The following HIBADH variants were observed in gnomAD, a reference collection of about 807,000 sequenced individuals.
The protein encoded by HIBADH is 3-hydroxyisobutyrate dehydrogenase, mitochondrial.
Under a neutral mutation model 36.1 loss-of-function variants are expected in HIBADH, and 25 were observed. The ratio of observed to expected loss-of-function variants is 0.69; its 90% confidence interval spans 0.50 to 0.97. The LOEUF (loss-of-function observed/expected upper bound fraction) is 0.97. Ranked by LOEUF, HIBADH falls within the 50% of genes least tolerant of loss-of-function variation. The pLI is 0.00. For missense variants in HIBADH, 421 were observed against 418.0 expected, an observed-to-expected ratio of 1.01 and a Z score of -0.06; for synonymous variants, 160 against 149.5, an observed-to-expected ratio of 1.07 and a Z score of -0.51.
rs549617386 is a variant in HIBADH, at chr7:27,649,420, A to G, written c.252+53T>C. 1.6e-5 allele frequency: 22 copies of G among 1,404,564 alleles called. No individual in the cohort carries two copies. The East Asian group carries it at 4.9e-4, about 31-fold the overall frequency. 87.0% of individuals were successfully genotyped at this position (1,404,564 alleles called of 1,614,324 possible). ...AAGAAGCTGTCACTTATTTGAATGT[A>G]TATTCATTTTTCATTCTCAAAATCT... On this transcript the variant is annotated intron_variant, in intron 2 of 7. Coordinates refer to ENST00000265395, the MANE Select transcript of HIBADH (RefSeq NM_152740.4).
intron 2 of HIBADH, among the ~76,000 whole-genome samples, chr7:27,639,439 G>C (rs532066722): frequency 1.1e-4 from 16 of 152,026 alleles, no homozygotes; most frequent in African/African-American, 3.4e-4. Context: ...GACTACCTGA[G>C]GGGGGAGGGA....
intron 4 of HIBADH, among the ~76,000 whole-genome samples, chr7:27,622,485 A>G (rs1115346): frequency 0.71 from 107,529 of 151,906 alleles, 38,200 homozygotes; most frequent in East Asian, 0.94. Flanking sequence ...AAGGATCAAC[A>G]AAACAAAAAT....
intron 4 of HIBADH, among the ~76,000 whole-genome samples, chr7:27,628,114 G>A (rs369369782): frequency 4.6e-5 from 7 of 151,880 alleles, no homozygotes; most frequent in South Asian, 2.1e-4. Flanking sequence ...CCACATTAAC[G>A]CCAACCTTAA....
intron 4 of HIBADH, among the ~76,000 whole-genome samples, chr7:27,614,483 C>T (rs1007140817): frequency 7.9e-5 from 12 of 152,140 alleles, no homozygotes; most frequent in African/African-American, 2.7e-4. Context: ...CTTGATTCAA[C>T]CAACCATACT....
At chr7:27,552,401 A>G (rs1028195878) in intron 4 of HIBADH, among the ~76,000 whole-genome samples, 1 of 152,232 alleles carries the variant, frequency 6.6e-6, no homozygotes, top group Non-Finnish European at 1.5e-5. Flanking sequence ...AGATAAACAA[A>G]GTTTAGTTAG....
At chr7:27,596,652 T>C (rs1785038844) in intron 4 of HIBADH, among the ~76,000 whole-genome samples, 1 of 152,214 alleles carries the variant, frequency 6.6e-6, no homozygotes. Context: ...TGTAGTAATT[T>C]GAAAGTATAA....
chr7:27,544,747 T>C (rs898424500), intron 4 of HIBADH, among the ~76,000 whole-genome samples: 1 of 152,218 alleles, frequency 6.6e-6, no homozygotes, highest in Admixed American at 6.5e-5. Flanking sequence ...TAGTTTTGCT[T>C]TGTATTTAGA....
intron 6 of HIBADH, among the ~76,000 whole-genome samples, chr7:27,537,543 A>T (rs190190603): frequency 4.6e-5 from 7 of 152,302 alleles, no homozygotes; most frequent in Admixed American, 4.6e-4. Context: ...CATCCTGCTC[A>T]TTAAGCATTT....
At chr7:27,645,315 A>G (rs1371951266) in intron 2 of HIBADH, among the ~76,000 whole-genome samples, 1 of 141,792 alleles carries the variant, frequency 7.1e-6, no homozygotes, top group Non-Finnish European at 1.5e-5. Context: ...TCACAAACAC[A>G]TTGTTATCTA....
At chr7:27,560,102 C>G (rs1784444006) in intron 4 of HIBADH, among the ~76,000 whole-genome samples, 1 of 152,132 alleles carries the variant, frequency 6.6e-6, no homozygotes, top group Admixed American at 6.5e-5. Context: ...ATGATGTTGC[C>G]ATCAAATCTT....
intron 4 of HIBADH, among the ~76,000 whole-genome samples, chr7:27,560,583 TTTTA>T (rs1481596124): frequency 1.1e-4 from 16 of 152,336 alleles, no homozygotes; most frequent in African/African-American, 3.8e-4. Context: ...TTGTTTCTTC[TTTTA>T]TTGTTAGCCT....
chr7:27,561,061 T>C (rs918648480), intron 4 of HIBADH, among the ~76,000 whole-genome samples: 1 of 152,210 alleles, frequency 6.6e-6, no homozygotes, highest in African/African-American at 2.4e-5. Context: ...TGGTTAGTGA[T>C]GTAGAGCATA....
At chr7:27,537,987 A>C (rs1784091391) in intron 6 of HIBADH, among the ~76,000 whole-genome samples, 1 of 152,222 alleles carries the variant, frequency 6.6e-6, no homozygotes, top group Non-Finnish European at 1.5e-5. Flanking sequence ...TGTCTTATAC[A>C]AATTTGTCCC....
chr7:27,553,220 T>C (rs1459123195), intron 4 of HIBADH, among the ~76,000 whole-genome samples: 1 of 152,186 alleles, frequency 6.6e-6, no homozygotes, highest in Non-Finnish European at 1.5e-5. Context: ...AGAAGGAAAT[T>C]ATAGGCTATA....
Position 27,572,297 on chromosome 7 carries a change from T to C in HIBADH, c.485-29197A>G, listed in dbSNP as rs142936094. On this transcript the variant is annotated intron_variant, in intron 4 of 7. Transcript: ENST00000265395. ...TAAAGTGCATTTAAAAGTACATTTA[T>C]TGTAATTTATCCAGCCACCGGTATT... Among the ~76,000 whole-genome samples the C allele has an allele frequency of 2.3e-3, 344 of 152,354 alleles. 2 individuals carry two copies. Among genetic ancestry groups the C allele is most frequent in the East Asian group, 0.013 (68 of 5,184 alleles).
At chr7:27,583,870 T>C (rs1784824852) in intron 4 of HIBADH, among the ~76,000 whole-genome samples, 2 of 152,126 alleles carry the variant, frequency 1.3e-5, no homozygotes, top group South Asian at 4.1e-4. Context: ...AAAACATCAA[T>C]CATAAACCTA....
chr7:27,656,277 A>C (rs1425698843), intron 1 of HIBADH, among the ~76,000 whole-genome samples: 1 of 152,234 alleles, frequency 6.6e-6, no homozygotes, highest in Non-Finnish European at 1.5e-5. Context: ...AATTCTGAAC[A>C]ACACAAAGAT....
At chr7:27,566,773 C>T (rs912194934) in intron 4 of HIBADH, among the ~76,000 whole-genome samples, 6 of 152,054 alleles carry the variant, frequency 3.9e-5, no homozygotes, top group Non-Finnish European at 8.8e-5. Flanking sequence ...TCTAATATCC[C>T]TTGACATTTC....
chr7:27,613,146 AT>A (rs200333375), intron 4 of HIBADH, among the ~76,000 whole-genome samples: 8,025 of 108,050 alleles, frequency 0.074, 352 homozygotes, highest in Non-Finnish European at 0.1. Context: ...ATATAAATAT[AT>A]TTTATATAAA....
Sources: gnomAD v4.1 joint callset for allele counts (sites outside exome capture counted in the v4.1 genomes callset) on GRCh38, gnomAD v4.1.1 for gene constraint, MANE v1.5 for transcripts, NCBI Gene and HGNC (gene_info 2026-07-23, HGNC 2026-07-21) for gene names.